The following RLF variants were observed in gnomAD, a reference collection of about 807,000 sequenced individuals.
RLF encodes the protein zinc finger protein Rlf.
A neutral mutation model predicts 162.9 loss-of-function variants in RLF; 7 were observed. The ratio of observed to expected loss-of-function variants is 0.04; its 90% confidence interval spans 0.02 to 0.08. The LOEUF is 0.08. RLF is among the 10% of genes least tolerant of loss of function. The probability of loss-of-function intolerance (pLI) is 1.00; values close to 1 mark genes in which losing one functional copy is unlikely to be tolerated. For synonymous variants in RLF, 782 were observed against 791.5 expected (o/e 0.99, Z 0.20); for missense variants, 1,664 against 2,244.7 (o/e 0.74, Z 5.23).
chr1:40,227,789 G>T (rs984870543), intron 6 of RLF, among the ~76,000 whole-genome samples: 3 of 152,128 alleles, frequency 2.0e-5, no homozygotes, highest in Non-Finnish European at 4.4e-5. Flanking sequence ...TGGATCATGA[G>T]TTCCGGAGTT....
rs561765415 is a variant in RLF, at chr1:40,195,312, G to A, written c.475-320G>A. Among the ~76,000 whole-genome samples, 9 of 151,922 alleles carry A rather than the reference G, an allele frequency of 5.9e-5. No individual in the cohort carries two copies. In the East Asian group the frequency reaches 7.9e-4, roughly 13 times the overall value. On this transcript the variant is annotated intron_variant, in intron 3 of 7. Coordinates refer to ENST00000372771, the MANE Select transcript of RLF (RefSeq NM_012421.4). ...AAAAATACAAAAATTAGCTGGGCGC[G>A]GTGACAGACGCCTGTAATTCCAGCT...
chr1:40,226,918 G>A (rs1643085967), intron 6 of RLF, among the ~76,000 whole-genome samples: 1 of 152,170 alleles, frequency 6.6e-6, no homozygotes, highest in African/African-American at 2.4e-5. Context: ...AGGCTGCAGT[G>A]CAATGGTGCA....
intron 2 of RLF, 86 bp from the exon 3 acceptor site, chr1:40,190,686 T>G: frequency 1.2e-6 from 1 of 863,574 alleles, no homozygotes; most frequent in Non-Finnish European, 1.8e-6. Context: ...CCTAAACAAA[T>G]GTAAAATAGA....
At chr1:40,179,034 C>A (rs768060706) in intron 1 of RLF, among the ~76,000 whole-genome samples, 1 of 151,118 alleles carries the variant, frequency 6.6e-6, no homozygotes, top group Non-Finnish European at 1.5e-5. Flanking sequence ...AGCATTTCGC[C>A]GTGTTGGCCA....
intron 3 of RLF, among the ~76,000 whole-genome samples, chr1:40,191,453 G>C (rs892354226): frequency 6.6e-6 from 1 of 151,472 alleles, no homozygotes; most frequent in Non-Finnish European, 1.5e-5. Flanking sequence ...CAGGATAATC[G>C]CTTGAACCCA....
At chr1:40,227,845 A>G (rs1391029413) in intron 6 of RLF, among the ~76,000 whole-genome samples, 2 of 152,176 alleles carry the variant, frequency 1.3e-5, no homozygotes, top group East Asian at 3.9e-4. Context: ...TCCACTAAAA[A>G]TACAAAAAAT....
chr1:40,161,520 T>C lies in RLF; in HGVS notation c.121T>C (p.Ser41Pro). 1 of 1,605,098 alleles carries C rather than the reference T, an allele frequency of 6.2e-7. No homozygotes were observed. The highest frequency in any genetic ancestry group is 8.5e-7 in the Non-Finnish European group (1 of 1,176,474). The part of the protein sequence containing the change: ...ESMVRGHRPV[S>P]PAPGASGLRP... ...CATGGTTCGGGGTCATCGCCCCGTA[T>C]CTCCAGCGCCGGGAGCCTCGGGACT... Residue 41 changes from serine to proline, a missense_variant, in exon 1 of 8, where the codon TCT becomes CCT. By Grantham distance (74) the Ser-to-Pro change is moderately conservative. Transcript: ENST00000372771. The surrounding 1 kb of genome is among the most constrained non-coding windows in gnomAD (Gnocchi z 4.4).
At chr1:40,221,321 G>GAAAAA (rs141901075) in intron 5 of RLF, among the ~76,000 whole-genome samples, 1 of 143,828 alleles carries the variant, frequency 7.0e-6, no homozygotes, top group Non-Finnish European at 1.5e-5. Flanking sequence ...GTTGAGATAT[G>GAAAAA]AAAAAAAAAA....
Position 40,222,593 on chromosome 1 carries a change from A to G in RLF, c.830A>G (p.Lys277Arg). Residue 277 changes from lysine (K) to arginine (R), a missense_variant, in exon 6 of 8, where the codon AAG (lysine) becomes AGG (arginine). Around this residue, in one of 15 missense-constraint regions of RLF, gnomAD observed 287 missense variants for 404.9 expected, o/e 0.71. Coordinates refer to ENST00000372771, the MANE Select transcript of RLF (RefSeq NM_012421.4). ...AIKEIAKVDCKEVLDIICNLE... is the reference protein window; with the variant it reads ...AIKEIAKVDCREVLDIICNLE... ...TGATAGATTGCAAAGGTCGACTGCA[A>G]GGAAGTACTAGACATCATTTGTAAT... 1.2e-6 allele frequency: 2 copies of G among 1,613,454 alleles called. No homozygotes were observed. Among genetic ancestry groups the G allele is most frequent in the African/African-American group, 1.3e-5 (1 of 75,044 alleles).
intron 3 of RLF, 58 bp downstream of exon 3, chr1:40,190,911 C>T: frequency 9.9e-7 from 1 of 1,006,780 alleles, no homozygotes; most frequent in South Asian, 1.6e-5. Context: ...ATTAATTACT[C>T]CCAGCAAACT....
chr1:40,179,069 A>G lies in RLF; in HGVS notation c.238-9986A>G, dbSNP rs147330932. Among the ~76,000 whole-genome samples the G allele has an allele frequency of 2.6e-3, 396 of 152,266 alleles. 2 individuals carry two copies. The highest frequency in any genetic ancestry group is 4.9e-3 in the Non-Finnish European group (333 of 68,020). The stretch of plus-strand genomic sequence containing the variant: ...AGGCTGGTCTGGAACTTCCAGTCTC[A>G]GGTGATCCACCTGCCCAGGCCTCCC... On this transcript the variant is annotated intron_variant, in intron 1 of 7. Transcript: ENST00000372771.
At chr1:40,187,033 G>GT (rs892773711) in intron 1 of RLF, among the ~76,000 whole-genome samples, 15 of 150,734 alleles carry the variant, frequency 1.0e-4, no homozygotes, top group African/African-American at 2.9e-4. Flanking sequence ...TTTGTTTTTT[G>GT]TTTTTTGGTT....
rs574773600 is a variant in RLF, at chr1:40,198,544, A to G, written c.607+2780A>G. On this transcript the variant is annotated intron_variant, in intron 4 of 7. Coordinates refer to ENST00000372771, the MANE Select transcript of RLF (RefSeq NM_012421.4). ...TCGAACTCCTGACCGCAGATGATCC[A>G]CCTGCCTCAGCCTCCCGAAGTGCTG... Among the ~76,000 whole-genome samples, 7 of 151,492 alleles carry G rather than the reference A, an allele frequency of 4.6e-5. No individual in the cohort carries two copies. In the South Asian group the frequency reaches 1.5e-3, roughly 32 times the overall value.
At chr1:40,176,839 G>A (rs1337221911) in intron 1 of RLF, among the ~76,000 whole-genome samples, 2 of 151,908 alleles carry the variant, frequency 1.3e-5, no homozygotes, top group African/African-American at 4.8e-5. Flanking sequence ...AAAAATAATT[G>A]TTTTCTTATT....
At chr1:40,212,454 T>C (rs1300407207) in intron 5 of RLF, among the ~76,000 whole-genome samples, 4 of 152,212 alleles carry the variant, frequency 2.6e-5, no homozygotes, top group African/African-American at 4.8e-5. Flanking sequence ...ATAAAAGTTA[T>C]AGACTTGGCA....
At chr1:40,219,258 G>A (rs987539651) in intron 5 of RLF, among the ~76,000 whole-genome samples, 2 of 151,982 alleles carry the variant, frequency 1.3e-5, no homozygotes, top group Non-Finnish European at 2.9e-5. Context: ...ATTCAAGAAG[G>A]TACAGGTATT....
At chr1:40,196,529 A>G (rs1000404726) in intron 4 of RLF, among the ~76,000 whole-genome samples, 1 of 151,444 alleles carries the variant, frequency 6.6e-6, no homozygotes, top group African/African-American at 2.4e-5. Flanking sequence ...ATTTGAGACA[A>G]GGTTTTACTC....
intron 1 of RLF, among the ~76,000 whole-genome samples, chr1:40,178,807 A>G (rs1316642885): frequency 6.8e-6 from 1 of 146,352 alleles, no homozygotes; most frequent in Non-Finnish European, 1.5e-5. Flanking sequence ...TACAGGCATG[A>G]GCCACTGGTA....
intron 5 of RLF, among the ~76,000 whole-genome samples, chr1:40,220,085 A>T (rs796092353): frequency 2.6e-5 from 4 of 152,222 alleles, no homozygotes; most frequent in African/African-American, 9.6e-5. Context: ...AATATAAAAA[A>T]ATTAGCCGGG....
Sources: allele counts gnomAD v4.1 joint callset (sites outside exome capture counted in the v4.1 genomes callset), GRCh38; gene constraint gnomAD v4.1.1; regional missense constraint gnomAD v4.1.1; non-coding constraint Gnocchi (gnomAD v3.1); transcripts MANE v1.5; gene names NCBI Gene and HGNC (gene_info 2026-07-23, HGNC 2026-07-21).